Variants in RARB observed in about 807,000 individuals in gnomAD.
RARB encodes retinoic acid receptor beta.
RARB carries 17 observed loss-of-function variants against 51.9 expected under a neutral mutation model. That is an observed-to-expected ratio of 0.33 (90% CI 0.22 to 0.49). The LOEUF (loss-of-function observed/expected upper bound fraction) is 0.49. Ranked by LOEUF, RARB falls within the 20% of genes least tolerant of loss-of-function variation. The pLI is 0.99. For missense variants in RARB, 369 were observed against 550.8 expected (o/e 0.67, Z 3.30); for synonymous variants, 215 against 195.4 (o/e 1.10, Z -0.84).
At chr3:24,876,119 A>G (rs891742488) in intron 2 of RARB, among the ~76,000 whole-genome samples, 2 of 152,166 alleles carry the variant, frequency 1.3e-5, no homozygotes, top group South Asian at 2.1e-4. Flanking sequence ...CATGATGTCA[A>G]TGCATCTTAT....
intron 2 of RARB, among the ~76,000 whole-genome samples, chr3:24,965,993 C>G (rs1404817062): frequency 6.6e-6 from 1 of 152,032 alleles, no homozygotes; most frequent in Non-Finnish European, 1.5e-5. Flanking sequence ...TGCAGGTTTA[C>G]ATGGAAAGTC....
intron 5 of RARB, among the ~76,000 whole-genome samples, chr3:25,188,795 A>G (rs1001105535): frequency 6.6e-6 from 1 of 152,132 alleles, no homozygotes. Flanking sequence ...ATTTACTTAT[A>G]CATACCATGT....
At chr3:24,896,320 C>T (rs552294991) in intron 2 of RARB, among the ~76,000 whole-genome samples, 2 of 152,150 alleles carry the variant, frequency 1.3e-5, no homozygotes, top group South Asian at 4.1e-4. Flanking sequence ...AGTGCCGTGG[C>T]GTGATCTCGG....
At chr3:25,040,149 C>T (rs528199867) in intron 2 of RARB, among the ~76,000 whole-genome samples, 4 of 152,070 alleles carry the variant, frequency 2.6e-5, no homozygotes, top group South Asian at 2.1e-4. Flanking sequence ...AAAAAAATTC[C>T]GTCAACAGAG....
At chr3:24,854,178 T>C (rs1178587442) in intron 1 of RARB, among the ~76,000 whole-genome samples, 2 of 152,234 alleles carry the variant, frequency 1.3e-5, no homozygotes, top group Non-Finnish European at 1.5e-5. Context: ...CTCAGGCAGA[T>C]TGTTAGGCCT....
intron 2 of RARB, among the ~76,000 whole-genome samples, chr3:24,980,995 T>C (rs1444404883): frequency 1.3e-5 from 2 of 150,400 alleles, no homozygotes; most frequent in African/African-American, 4.8e-5. Flanking sequence ...CCTTTCGTTT[T>C]GTTAGTTTTC....
intron 5 of RARB, among the ~76,000 whole-genome samples, chr3:25,332,847 C>T (rs149825507): frequency 0.062 from 9,457 of 152,082 alleles, 319 homozygotes; most frequent in African/African-American, 0.083. Context: ...ACAAAATCAA[C>T]GTGCAAAAAT....
intron 1 of RARB, among the ~76,000 whole-genome samples, chr3:25,435,965 A>G (rs1365468033): frequency 6.6e-6 from 1 of 152,198 alleles, no homozygotes; most frequent in Non-Finnish European, 1.5e-5. Context: ...TAGAAATTGA[A>G]AGCTGAAAAA....
rs1278852020 is a variant in RARB, at chr3:25,416,078, G to C, written c.179-45115G>C. On this transcript the variant is annotated intron_variant, in intron 5 of 11. Transcript: ENST00000383772. Reference sequence around the variant, plus strand: ...ATATTCAAAAAGAACTGAAGAAAAAGATGCAACAAGGCATGCCAATATCTA... The same window carrying C: ...ATATTCAAAAAGAACTGAAGAAAAACATGCAACAAGGCATGCCAATATCTA... Among the ~76,000 whole-genome samples the C allele has an allele frequency of 3.3e-5, 5 of 152,148 alleles. No homozygotes were observed. The South Asian group carries it at 8.3e-4, about 25-fold the overall frequency.
At chr3:25,173,791 A>G (rs940584959) in intron 4 of RARB, among the ~76,000 whole-genome samples, 1 of 152,206 alleles carries the variant, frequency 6.6e-6, no homozygotes, top group Non-Finnish European at 1.5e-5. Flanking sequence ...AATGGGGGAG[A>G]CAGACAAAAA....
intron 2 of RARB, among the ~76,000 whole-genome samples, chr3:25,472,318 G>A (rs1695737532): frequency 6.6e-6 from 1 of 152,068 alleles, no homozygotes; most frequent in African/African-American, 2.4e-5. Context: ...CGTGGGGGAG[G>A]CAGTACACCT....
At chr3:24,957,621 T>G (rs1265374118) in intron 2 of RARB, among the ~76,000 whole-genome samples, 1 of 152,252 alleles carries the variant, frequency 6.6e-6, no homozygotes, top group Non-Finnish European at 1.5e-5. Context: ...CTTTGAGCCT[T>G]AAAACTATTA....
chr3:25,439,843 A>G (rs1708587081), intron 1 of RARB, among the ~76,000 whole-genome samples: 1 of 152,218 alleles, frequency 6.6e-6, no homozygotes, highest in East Asian at 1.9e-4. Flanking sequence ...GTGACTTGCT[A>G]GAAGTCGTGT....
At chr3:24,837,629 A>T (rs1329351865) in intron 1 of RARB, among the ~76,000 whole-genome samples, 4 of 152,216 alleles carry the variant, frequency 2.6e-5, no homozygotes, top group Admixed American at 1.3e-4. Flanking sequence ...CACAGTACTC[A>T]GTTTATTTTC....
At chr3:25,392,556 G>C (rs949437184) in intron 5 of RARB, among the ~76,000 whole-genome samples, 1 of 151,958 alleles carries the variant, frequency 6.6e-6, no homozygotes, top group Admixed American at 6.6e-5. Context: ...TGTGTTGTCT[G>C]TGATTTCTTT....
chr3:24,941,369 G>C (rs1345016593), intron 2 of RARB, among the ~76,000 whole-genome samples: 2 of 149,144 alleles, frequency 1.3e-5, no homozygotes, highest in East Asian at 4.0e-4. Context: ...AGAATAAAAG[G>C]CAGTCTTTTT....
At chr3:24,875,766 T>G (rs1703031138) in intron 2 of RARB, among the ~76,000 whole-genome samples, 1 of 152,108 alleles carries the variant, frequency 6.6e-6, no homozygotes, top group East Asian at 1.9e-4. Flanking sequence ...TTAACTAAAT[T>G]ACAGACCTTA....
chr3:24,918,613 T>G (rs1695154188), intron 2 of RARB, among the ~76,000 whole-genome samples: 1 of 152,242 alleles, frequency 6.6e-6, no homozygotes, highest in Admixed American at 6.5e-5. Flanking sequence ...CTGGGCACAG[T>G]GGCTCGCACC....
intron 5 of RARB, among the ~76,000 whole-genome samples, chr3:25,182,247 C>G (rs1319448591): frequency 6.6e-6 from 1 of 152,148 alleles, no homozygotes. Context: ...GTGAAATAAA[C>G]TGACTAGAAA....
Sources: allele counts gnomAD v4.1 joint callset (sites outside exome capture counted in the v4.1 genomes callset), GRCh38; gene constraint gnomAD v4.1.1; transcripts MANE v1.5; gene names NCBI Gene and HGNC (gene_info 2026-07-23, HGNC 2026-07-21).